The following B3GALT1 variants were observed in gnomAD, a reference collection of about 807,000 sequenced individuals.
B3GALT1 encodes UDP-Gal:betaGlcNAc beta 1,3-galactosyltransferase, polypeptide 1.
A neutral mutation model predicts 23.2 loss-of-function variants in B3GALT1; 10 were observed. That is an observed-to-expected ratio of 0.43 (90% CI 0.27 to 0.73). The LOEUF is 0.73. Among genes scored for constraint, B3GALT1 ranks in the 30% least tolerant of loss-of-function variants. The probability of loss-of-function intolerance (pLI) is 0.21; values close to 1 mark genes in which losing one functional copy is unlikely to be tolerated. For synonymous variants in B3GALT1, 156 were observed against 141.5 expected (o/e 1.10, Z -0.73); for missense variants, 299 against 405.4 (o/e 0.74, Z 2.25).
intron 4 of B3GALT1, among the ~76,000 whole-genome samples, chr2:167,846,704 CA>C (rs574336607): frequency 3.3e-5 from 5 of 151,532 alleles, no homozygotes; most frequent in African/African-American, 1.2e-4. Context: ...AAAGCAAAAA[CA>C]AAAAAAAGTA....
intron 1 of B3GALT1, among the ~76,000 whole-genome samples, chr2:167,469,985 G>A (rs988065254): frequency 6.6e-6 from 1 of 152,090 alleles, no homozygotes; most frequent in African/African-American, 2.4e-5. Context: ...TCTCAAGAAT[G>A]GAATCGTAAT....
At chr2:167,474,267 A>G (rs1478384860) in intron 1 of B3GALT1, among the ~76,000 whole-genome samples, 1 of 152,210 alleles carries the variant, frequency 6.6e-6, no homozygotes, top group African/African-American at 2.4e-5. Flanking sequence ...GTCTGGTGAC[A>G]GAGTCTTAAT....
At chr2:167,743,001 T>A (rs564053577) in intron 3 of B3GALT1, among the ~76,000 whole-genome samples, 1 of 152,176 alleles carries the variant, frequency 6.6e-6, no homozygotes, top group African/African-American at 2.4e-5. Context: ...GGTTTTACAC[T>A]TCATAAAAAC....
At chr2:167,791,617 G>A (rs1688439113) in intron 3 of B3GALT1, among the ~76,000 whole-genome samples, 1 of 152,106 alleles carries the variant, frequency 6.6e-6, no homozygotes, top group South Asian at 2.1e-4. Context: ...TTTAACTAAT[G>A]CAGAGCACAT....
intron 3 of B3GALT1, among the ~76,000 whole-genome samples, chr2:167,677,942 T>C (rs1439391151): frequency 6.6e-6 from 1 of 152,068 alleles, no homozygotes; most frequent in Non-Finnish European, 1.5e-5. Flanking sequence ...TGAGAACGCA[T>C]CCACTATCAT....
chr2:167,310,301 G>A (rs978332229), intron 1 of B3GALT1, among the ~76,000 whole-genome samples: 5 of 151,820 alleles, frequency 3.3e-5, no homozygotes, highest in Non-Finnish European at 5.9e-5. Context: ...GTTTATTTAC[G>A]TTTGAGAGAG....
chr2:167,848,981 T>C (rs1429839633), intron 4 of B3GALT1, among the ~76,000 whole-genome samples: 1 of 151,932 alleles, frequency 6.6e-6, no homozygotes, highest in East Asian at 1.9e-4. Flanking sequence ...CCCTTTACAA[T>C]AGCTGCAAAA....
intron 3 of B3GALT1, among the ~76,000 whole-genome samples, chr2:167,793,684 G>A (rs570787122): frequency 6.6e-6 from 1 of 152,284 alleles, no homozygotes; most frequent in South Asian, 2.1e-4. Context: ...GGGAGATAAA[G>A]CAGACATCTT....
chr2:167,617,295 G>T (rs1180822756), intron 2 of B3GALT1, among the ~76,000 whole-genome samples: 2 of 152,058 alleles, frequency 1.3e-5, no homozygotes, highest in African/African-American at 4.8e-5. Flanking sequence ...TATCTGAAAA[G>T]AACATCTGTT....
At chr2:167,646,186 C>A (rs1208322111) in intron 2 of B3GALT1, among the ~76,000 whole-genome samples, 1 of 152,074 alleles carries the variant, frequency 6.6e-6, no homozygotes, top group East Asian at 1.9e-4. Context: ...TCAGGAAAGA[C>A]AACTACAAGC....
intron 3 of B3GALT1, among the ~76,000 whole-genome samples, chr2:167,809,505 C>T (rs567933219): frequency 1.3e-5 from 2 of 152,324 alleles, no homozygotes; most frequent in African/African-American, 2.4e-5. Flanking sequence ...TTCTAACAGA[C>T]AGGACCCTCA....
At chr2:167,325,478 AT>A (rs1258924343) in intron 1 of B3GALT1, among the ~76,000 whole-genome samples, 2 of 151,834 alleles carry the variant, frequency 1.3e-5, no homozygotes, top group Admixed American at 1.3e-4. Context: ...AAATTTCACA[AT>A]AACTTACTCT....
intron 2 of B3GALT1, among the ~76,000 whole-genome samples, chr2:167,559,942 GA>G (rs1284165731): frequency 1.3e-5 from 2 of 152,076 alleles, no homozygotes; most frequent in Admixed American, 6.6e-5. Flanking sequence ...TCAGATTCAG[GA>G]AATACAGAGA....
chr2:167,705,675 C>T (rs765358088), intron 3 of B3GALT1, among the ~76,000 whole-genome samples: 2 of 152,166 alleles, frequency 1.3e-5, no homozygotes, highest in Non-Finnish European at 2.9e-5. Flanking sequence ...CCCACATACT[C>T]CTAAATCTAA....
chr2:167,494,960 C>T (rs967819315), intron 2 of B3GALT1, among the ~76,000 whole-genome samples: 20 of 152,256 alleles, frequency 1.3e-4, no homozygotes, highest in African/African-American at 4.8e-4. Context: ...GGAAAGATGA[C>T]AACCACTGCT....
chr2:167,491,961 T>C (rs1699716184), intron 2 of B3GALT1, among the ~76,000 whole-genome samples: 1 of 152,268 alleles, frequency 6.6e-6, no homozygotes, highest in South Asian at 2.1e-4. Context: ...TTACAAGTGA[T>C]GACTCAGTAT....
intron 1 of B3GALT1, among the ~76,000 whole-genome samples, chr2:167,306,819 A>G (rs1374402170): frequency 6.6e-6 from 1 of 151,888 alleles, no homozygotes; most frequent in East Asian, 1.9e-4. Flanking sequence ...AATTAATCTA[A>G]CACTCTTTGC....
intron 3 of B3GALT1, among the ~76,000 whole-genome samples, chr2:167,796,209 C>T (rs1688544368): frequency 6.6e-6 from 1 of 152,110 alleles, no homozygotes; most frequent in Admixed American, 6.5e-5. Flanking sequence ...TACTGGCTGC[C>T]AGGAAGCTCA....
chr2:167,632,555 GT>G (rs777556517), intron 2 of B3GALT1, among the ~76,000 whole-genome samples: 113 of 151,474 alleles, frequency 7.5e-4, no homozygotes, highest in African/African-American at 2.5e-3. Flanking sequence ...GTGAGAATAA[GT>G]TTTTTTTTCA....
Sources: gnomAD v4.1 joint callset for allele counts (sites outside exome capture counted in the v4.1 genomes callset) on GRCh38, gnomAD v4.1.1 for gene constraint, MANE v1.5 for transcripts, NCBI Gene and HGNC (gene_info 2026-07-23, HGNC 2026-07-21) for gene names.